GATAD2A: variants seen among roughly 807,000 people sequenced by gnomAD.
GATAD2A encodes the protein GATA zinc finger domain containing 2A.
Under a neutral mutation model 68.5 loss-of-function variants are expected in GATAD2A, and 12 were observed. The observed-to-expected ratio is 0.18, with a 90% CI of 0.11 to 0.28. The LOEUF (loss-of-function observed/expected upper bound fraction) is 0.28, where lower values mean the gene tolerates loss of function less well. Among genes scored for constraint, GATAD2A ranks in the 10% least tolerant of loss-of-function variants. GATAD2A has a pLI of 1.00. For synonymous variants in GATAD2A, 410 were observed against 375.3 expected, an observed-to-expected ratio of 1.09 and a Z score of -1.07; for missense variants, 755 against 868.5, an observed-to-expected ratio of 0.87 and a Z score of 1.64.
At position 19,505,356 on chromosome 19, in the gene GATAD2A, C is replaced by A. The variant is rs201273478; in HGVS notation, c.1787C>A (p.Ala596Glu). 1 of 1,613,188 alleles carries A rather than the reference C, an allele frequency of 6.2e-7. No homozygotes were observed. The highest frequency in any genetic ancestry group is 8.5e-7 in the Non-Finnish European group (1 of 1,179,680). Residue 596 changes from alanine (A) to glutamate (E), a missense_variant, in exon 12 of 12, where the codon GCG becomes GAG. Ala to Glu is a moderately radical substitution (Grantham distance 107). Coordinates refer to ENST00000683918, the MANE Select transcript of GATAD2A (RefSeq NM_001384528.1). ...TGTTCTGTTGCAGGCGGGACCCTTGCGTTTGTCAGCCCAAGCCTGGCGGTG... is the reference window on the plus strand; with the variant it reads ...TGTTCTGTTGCAGGCGGGACCCTTGAGTTTGTCAGCCCAAGCCTGGCGGTG... ...KTPLSTGGTL[A>E]FVSPSLAVHK...
chr19:19,422,757 G>A (rs2052573356), intron 1 of GATAD2A, among the ~76,000 whole-genome samples: 1 of 151,208 alleles, frequency 6.6e-6, no homozygotes, highest in Non-Finnish European at 1.5e-5. Context: ...TGTCACCCAG[G>A]CTGGAGTGCA....
intron 1 of GATAD2A, among the ~76,000 whole-genome samples, chr19:19,387,949 T>A (rs2048559770): frequency 6.6e-6 from 1 of 152,162 alleles, no homozygotes; most frequent in Non-Finnish European, 1.5e-5. Context: ...TCCCTCTGAA[T>A]TCCGTGGGGT....
intron 1 of GATAD2A, among the ~76,000 whole-genome samples, chr19:19,430,200 AC>A (rs1568277483): frequency 6.6e-6 from 1 of 152,064 alleles, no homozygotes; most frequent in African/African-American, 2.4e-5. Context: ...TAGTGTGCTG[AC>A]CCCAGACTGG....
chr19:19,489,889 C>G (rs937873252), intron 2 of GATAD2A, among the ~76,000 whole-genome samples: 1 of 152,220 alleles, frequency 6.6e-6, no homozygotes, highest in African/African-American at 2.4e-5. Context: ...CACCTCTGTG[C>G]TGAAGCCTTG....
At chr19:19,394,210 G>A (rs2049054686) in intron 1 of GATAD2A, among the ~76,000 whole-genome samples, 1 of 151,924 alleles carries the variant, frequency 6.6e-6, no homozygotes, top group South Asian at 2.1e-4. Context: ...CTTGAAGTCA[G>A]TGGAGACGTG....
chr19:19,487,197 C>T (rs140090920), intron 2 of GATAD2A, among the ~76,000 whole-genome samples: 2 of 152,216 alleles, frequency 1.3e-5, no homozygotes, highest in East Asian at 1.9e-4. Context: ...GGTATCACCC[C>T]AGGGCTGGAT....
intron 2 of GATAD2A, among the ~76,000 whole-genome samples, chr19:19,485,351 G>T (rs1478333330): frequency 3.3e-5 from 5 of 152,222 alleles, no homozygotes; most frequent in Non-Finnish European, 7.3e-5. Flanking sequence ...GTCCCGCCCA[G>T]CTGGGCACTG....
At chr19:19,499,565 A>G (rs547148251) in intron 8 of GATAD2A, among the ~76,000 whole-genome samples, 1 of 152,132 alleles carries the variant, frequency 6.6e-6, no homozygotes, top group Admixed American at 6.5e-5. Context: ...GGAGGAGGGC[A>G]TGGGGGCCAG....
chr19:19,420,004 A>ATTTTT (rs1399868589), intron 1 of GATAD2A, among the ~76,000 whole-genome samples: 5 of 98,002 alleles, frequency 5.1e-5, no homozygotes, highest in African/African-American at 2.7e-4. Context: ...AACCATCTTG[A>ATTTTT]CTTTTTTTTT....
chr19:19,480,421 G>A (rs2058975013), intron 2 of GATAD2A, among the ~76,000 whole-genome samples: 1 of 152,184 alleles, frequency 6.6e-6, no homozygotes, highest in Non-Finnish European at 1.5e-5. Context: ...TCTGATTTTT[G>A]ATTAATGGAA....
chr19:19,458,098 G>T (rs753941164), intron 1 of GATAD2A, among the ~76,000 whole-genome samples: 20 of 152,220 alleles, frequency 1.3e-4, no homozygotes, highest in Non-Finnish European at 2.9e-4. Context: ...GAAGATGTCT[G>T]TATCTCTGGT....
chr19:19,447,967 T>A (rs980685141), intron 1 of GATAD2A, among the ~76,000 whole-genome samples: 1 of 152,250 alleles, frequency 6.6e-6, no homozygotes, highest in Non-Finnish European at 1.5e-5. Flanking sequence ...GGGCCACAGC[T>A]TCGCCTGGCT....
At chr19:19,502,191 C>T (rs1162722561) in intron 10 of GATAD2A, 140 bp from the exon 11 acceptor site, 1 of 847,696 alleles carries the variant, frequency 1.2e-6, no homozygotes. Flanking sequence ...GTGTAACTTA[C>T]CTGGTCTCCT....
intron 1 of GATAD2A, among the ~76,000 whole-genome samples, chr19:19,445,645 G>C (rs929345814): frequency 6.6e-6 from 1 of 152,136 alleles, no homozygotes; most frequent in African/African-American, 2.4e-5. Flanking sequence ...TGCCTCTTCT[G>C]GCATTTCATA....
At chr19:19,462,252 A>AG (rs1237492937) in intron 1 of GATAD2A, among the ~76,000 whole-genome samples, 1 of 152,116 alleles carries the variant, frequency 6.6e-6, no homozygotes, top group Non-Finnish European at 1.5e-5. Context: ...TCGAGGAGGG[A>AG]GGAGCCACTC....
intron 1 of GATAD2A, among the ~76,000 whole-genome samples, chr19:19,420,742 T>C (rs1044807939): frequency 2.6e-5 from 4 of 151,936 alleles, no homozygotes; most frequent in East Asian, 3.9e-4. Context: ...TTCCATCGTG[T>C]GAAGTGTGGG....
At position 19,498,628 on chromosome 19, in the gene GATAD2A, C is replaced by A; in HGVS notation, c.1110C>A (p.Ala370=). ...LLEIPPPKPP[A]PEMNFLPSAA... ...AGATCCCCCCACCCAAGCCCCCAGCCCCAGAGATGAACTTCCTGCCCAGCG... is the reference window on the plus strand; with the variant it reads ...AGATCCCCCCACCCAAGCCCCCAGCACCAGAGATGAACTTCCTGCCCAGCG... The change falls in exon 8 of 12, where the codon GCC becomes GCA. Residue 370 remains alanine, a synonymous_variant. Transcript: ENST00000683918. 6.2e-7 allele frequency: 1 copy of A among 1,613,806 alleles called. No homozygotes were observed. Among genetic ancestry groups the A allele is most frequent in the Non-Finnish European group, 8.5e-7 (1 of 1,179,890 alleles).
At chr19:19,437,731 A>G (rs771540202) in intron 1 of GATAD2A, among the ~76,000 whole-genome samples, 1 of 152,216 alleles carries the variant, frequency 6.6e-6, no homozygotes, top group Non-Finnish European at 1.5e-5. Context: ...GTTCATCCAC[A>G]TTGTAAGCAT....
intron 1 of GATAD2A, among the ~76,000 whole-genome samples, chr19:19,408,716 CCCT>C (rs767460310): frequency 2.0e-5 from 3 of 152,304 alleles, no homozygotes; most frequent in Non-Finnish European, 2.9e-5. Context: ...TGCGAGGAAT[CCCT>C]CCTCAGTAGA....
Sources: allele counts gnomAD v4.1 joint callset (sites outside exome capture counted in the v4.1 genomes callset), GRCh38; gene constraint gnomAD v4.1.1; transcripts MANE v1.5; gene names NCBI Gene and HGNC (gene_info 2026-07-23, HGNC 2026-07-21).